COL23A1: variants seen among roughly 807,000 people sequenced by gnomAD.
COL23A1 encodes collagen alpha-1(XXIII) chain.
Under a neutral mutation model 99.3 loss-of-function variants are expected in COL23A1, and 97 were observed. That is an observed-to-expected ratio of 0.98 (90% CI 0.83 to 1.16). The LOEUF is 1.16. COL23A1 is among the 50% of genes most tolerant of loss of function. The pLI is 0.00. For missense variants in COL23A1, 762 were observed against 757.4 expected (o/e 1.01, Z -0.07); for synonymous variants, 320 against 308.2 (o/e 1.04, Z -0.40).
At chr5:178,448,995 T>C (rs1006388272) in intron 2 of COL23A1, among the ~76,000 whole-genome samples, 14 of 151,222 alleles carry the variant, frequency 9.3e-5, no homozygotes, top group Admixed American at 5.3e-4. Context: ...AAAATATATA[T>C]AAAATAAAAT....
In COL23A1 at chr5:178,347,914, A is replaced by G. The variant is rs1291236513; in HGVS notation, c.362-40995T>C. Among the ~76,000 whole-genome samples the G allele has an allele frequency of 8.4e-5, 12 of 142,202 alleles. No individual in the cohort carries two copies. The East Asian group carries it at 2.4e-3, about 28-fold the overall frequency. The allele number at this position is 142,202 out of a possible 152,430, so 93.3% of individuals were successfully genotyped here. On this transcript the variant is annotated intron_variant, in intron 2 of 28. Transcript: ENST00000390654. Reference sequence around the variant, plus strand: ...AAAAAAAAACCCAAAAAAACAAAACAAAAAAAAAACAAAGAATAAATTTAA... The same window carrying G: ...AAAAAAAAACCCAAAAAAACAAAACGAAAAAAAAACAAAGAATAAATTTAA...
intron 21 of COL23A1, 92 bp downstream of exon 21, chr5:178,247,681 GCT>G (rs1764778928): frequency 6.5e-7 from 1 of 1,542,084 alleles, no homozygotes; most frequent in South Asian, 1.1e-5. Flanking sequence ...GAAGAAGCCC[GCT>G]CTCTCCTGGG....
At chr5:178,253,628 G>T (rs549539461) in intron 16 of COL23A1, among the ~76,000 whole-genome samples, 4 of 151,792 alleles carry the variant, frequency 2.6e-5, no homozygotes, top group East Asian at 4.0e-4. Flanking sequence ...GACTACAGGC[G>T]CGCACCACCA....
At chr5:178,278,877 A>G (rs908641254) in intron 5 of COL23A1, among the ~76,000 whole-genome samples, 6 of 152,154 alleles carry the variant, frequency 3.9e-5, no homozygotes, top group Admixed American at 1.3e-4. Flanking sequence ...GGGTGGGTTA[A>G]TGAGAGCAGC....
In COL23A1 at chr5:178,242,206, C is replaced by T. The variant is rs541375413; in HGVS notation, c.1495-78G>A. 3,121 of 1,470,528 alleles carry T rather than the reference C, an allele frequency of 2.1e-3. 7 individuals are homozygous for T. Among genetic ancestry groups the T allele is most frequent in the Non-Finnish European group, 2.7e-3 (2,913 of 1,076,412 alleles). The allele number at this position is 1,470,528 out of a possible 1,614,324, so 91.1% of individuals were successfully genotyped here. A position where few individuals can be genotyped will look rare whatever the true frequency, so the allele number is the denominator to read the frequency against. On this transcript the variant is annotated intron_variant, in intron 26 of 28. Transcript: ENST00000390654. ...CTCCAACATCTCTCCGAGAGAAGCG[C>T]GTGGGGCCAGCCTCCCCCTGCCTCC...
chr5:178,320,161 T>C (rs1408677266), intron 2 of COL23A1, among the ~76,000 whole-genome samples: 2 of 152,280 alleles, frequency 1.3e-5, no homozygotes, highest in African/African-American at 4.8e-5. Context: ...GAAAATTGCC[T>C]AGCTTATTCT....
chr5:178,259,829 G>A lies in COL23A1; in HGVS notation c.703-82C>T. Reference sequence around the variant, plus strand: ...GGACCCCGGACCTCTTGTTCCTCGGGTAGAAGTGGCACTGATGACCCGTGC... The same window carrying A: ...GGACCCCGGACCTCTTGTTCCTCGGATAGAAGTGGCACTGATGACCCGTGC... On this transcript the variant is annotated intron_variant, in intron 11 of 28. Transcript: ENST00000390654. 2.9e-6 allele frequency: 4 copies of A among 1,369,370 alleles called. No individual in the cohort carries two copies. In the Admixed American group the frequency reaches 6.1e-5, roughly 21 times the overall value. 84.8% of individuals were successfully genotyped at this position (1,369,370 alleles called of 1,614,324 possible).
chr5:178,270,434 G>T (rs1243015307), intron 5 of COL23A1, 71 bp from the exon 6 acceptor site: 4 of 1,570,806 alleles, frequency 2.5e-6, no homozygotes, highest in East Asian at 2.3e-5. Context: ...TATGACCCAG[G>T]TGCACTATTC....
chr5:178,443,171 C>T (rs1766972960), intron 2 of COL23A1: 1 of 152,246 alleles, frequency 6.6e-6, no homozygotes. Context: ...CCATTAAAGT[C>T]ACTGCGGCAG....
intron 2 of COL23A1, among the ~76,000 whole-genome samples, chr5:178,471,608 T>C (rs1442036643): frequency 6.6e-6 from 1 of 152,102 alleles, no homozygotes; most frequent in African/African-American, 2.4e-5. Flanking sequence ...ACTCCCTTCC[T>C]GGGGCTAGCT....
chr5:178,469,078 A>G (rs767629261), intron 2 of COL23A1, among the ~76,000 whole-genome samples: 1 of 152,210 alleles, frequency 6.6e-6, no homozygotes, highest in Non-Finnish European at 1.5e-5. Flanking sequence ...AGCACGTGTC[A>G]GAATCTCCTT....
intron 12 of COL23A1, among the ~76,000 whole-genome samples, chr5:178,258,765 G>C (rs1236144548): frequency 6.6e-6 from 1 of 152,034 alleles, no homozygotes; most frequent in Non-Finnish European, 1.5e-5. Flanking sequence ...CACAATCATA[G>C]CTTACTACAG....
intron 2 of COL23A1, among the ~76,000 whole-genome samples, chr5:178,311,338 C>T (rs926960061): frequency 2.0e-5 from 3 of 152,120 alleles, no homozygotes; most frequent in South Asian, 2.1e-4. Flanking sequence ...ACTTGCCTTG[C>T]GGAATCATGA....
chr5:178,373,479 C>A (rs560021050), intron 2 of COL23A1, among the ~76,000 whole-genome samples: 30 of 152,272 alleles, frequency 2.0e-4, no homozygotes, highest in African/African-American at 6.7e-4. Context: ...TGCAGTGGTG[C>A]AATCTCGGCT....
In COL23A1 at chr5:178,238,403, C is replaced by G. The variant is rs1490550797; in HGVS notation, c.*295G>C. 2 of 462,222 alleles carry G rather than the reference C, an allele frequency of 4.3e-6. No homozygotes were observed. Among genetic ancestry groups the G allele is most frequent in the Non-Finnish European group, 7.8e-6 (2 of 255,260 alleles). 28.6% of individuals were successfully genotyped at this position (462,222 alleles called of 1,614,324 possible). ...TCTCTGCTGATCAGGTGACTGAAGG[C>G]CCAACGTAGCATCTTTCTAGCCTTG... On this transcript the variant is annotated 3_prime_UTR_variant, in exon 29 of 29. Coordinates refer to ENST00000390654, the MANE Select transcript of COL23A1 (RefSeq NM_173465.4).
At chr5:178,336,393 T>C (rs1251539811) in intron 2 of COL23A1, among the ~76,000 whole-genome samples, 5 of 152,228 alleles carry the variant, frequency 3.3e-5, no homozygotes, top group Non-Finnish European at 7.3e-5. Context: ...TACAATGGAA[T>C]ATTATTCAGC....
At chr5:178,455,694 C>T (rs1004152216) in intron 2 of COL23A1, among the ~76,000 whole-genome samples, 1 of 152,084 alleles carries the variant, frequency 6.6e-6, no homozygotes, top group African/African-American at 2.4e-5. Flanking sequence ...CGGACCGCAC[C>T]TCAAGGCCGA....
intron 2 of COL23A1, among the ~76,000 whole-genome samples, chr5:178,465,187 C>T (rs1171237770): frequency 1.3e-5 from 2 of 152,184 alleles, no homozygotes; most frequent in Non-Finnish European, 2.9e-5. Flanking sequence ...GTACACGGAA[C>T]CCATCAGAAA....
chr5:178,457,451 G>C (rs1244657767), intron 2 of COL23A1, among the ~76,000 whole-genome samples: 1 of 152,156 alleles, frequency 6.6e-6, no homozygotes, highest in Non-Finnish European at 1.5e-5. Context: ...CTGACCTCAA[G>C]TGATCCGCCC....
Sources: allele counts gnomAD v4.1 joint callset (sites outside exome capture counted in the v4.1 genomes callset), GRCh38; gene constraint gnomAD v4.1.1; transcripts MANE v1.5; gene names NCBI Gene and HGNC (gene_info 2026-07-23, HGNC 2026-07-21).